The following TPM3 variants were observed in gnomAD, a reference collection of about 807,000 sequenced individuals.
The protein encoded by TPM3 is tropomyosin alpha-3 chain.
Under a neutral mutation model 43.1 loss-of-function variants are expected in TPM3, and 16 were observed. That is an observed-to-expected ratio of 0.37 (90% CI 0.25 to 0.56). The LOEUF is 0.56. TPM3 is among the 20% of genes least tolerant of loss of function. The pLI is 0.77. For synonymous variants in TPM3, 101 were observed against 116.9 expected (o/e 0.86, Z 0.88); for missense variants, 176 against 337.2 (o/e 0.52, Z 3.74).
intron 3 of TPM3, among the ~76,000 whole-genome samples, chr1:154,174,406 A>ATATATATATATATG (rs1662034700): frequency 8.2e-6 from 1 of 122,376 alleles, no homozygotes; most frequent in South Asian, 2.6e-4. Context: ...ATATATATAT[A>ATATATATATATATG]TACACACAAA....
At chr1:154,182,472 C>G (rs1291156070) in intron 2 of TPM3, among the ~76,000 whole-genome samples, 1 of 152,208 alleles carries the variant, frequency 6.6e-6, no homozygotes, top group Non-Finnish European at 1.5e-5. Context: ...GAGGAGGGAG[C>G]GGAAAAGCTG....
intron 2 of TPM3, among the ~76,000 whole-genome samples, chr1:154,181,568 T>C (rs536365932): frequency 1.1e-4 from 17 of 152,148 alleles, no homozygotes; most frequent in Non-Finnish European, 2.1e-4. Flanking sequence ...CCTTGGAAAA[T>C]CTTATGGCTT....
At chr1:154,182,991 T>C (rs1362613279) in intron 2 of TPM3, 1 of 1,610,844 alleles carries the variant, frequency 6.2e-7, no homozygotes, top group Non-Finnish European at 8.5e-7. Flanking sequence ...TCCGTACCTG[T>C]TCCCGGGCCC....
intron 2 of TPM3, chr1:154,178,117 C>A (rs1558054995): frequency 1.0e-6 from 1 of 985,346 alleles, no homozygotes; most frequent in African/African-American, 1.7e-5. Flanking sequence ...GACTTACCCC[C>A]CTCAGACGAA....
intron 2 of TPM3, among the ~76,000 whole-genome samples, chr1:154,188,294 G>A (rs1231241801): frequency 6.6e-6 from 1 of 151,572 alleles, no homozygotes; most frequent in East Asian, 1.9e-4. Context: ...GGCCTCAGGC[G>A]ATTCTCCTGC....
At chr1:154,170,268 G>T in intron 8 of TPM3, 132 bp downstream of exon 8, 1 of 963,160 alleles carries the variant, frequency 1.0e-6, no homozygotes, top group Non-Finnish European at 1.6e-6. Flanking sequence ...TGTGGCATAG[G>T]ACAGTGCACA....
rs537597985 is a variant in TPM3, at chr1:154,165,963, G to T, written c.*1974C>A. 6.6e-6 allele frequency among the ~76,000 whole-genome samples: 1 copy of T among 152,192 alleles called. No individual in the cohort carries two copies. The highest frequency in any genetic ancestry group is 6.5e-5 in the Admixed American group (1 of 15,274). On this transcript the variant is annotated 3_prime_UTR_variant, in exon 10 of 10. Coordinates refer to ENST00000651641, the MANE Select transcript of TPM3 (RefSeq NM_152263.4). ...TGGCATTCATCACACAGTATCTGTA[G>T]CTTTATGTATGTTTTCTCTCCTAGT...
At chr1:154,179,152 G>A (rs904768882) in intron 2 of TPM3, among the ~76,000 whole-genome samples, 1 of 152,222 alleles carries the variant, frequency 6.6e-6, no homozygotes, top group Admixed American at 6.5e-5. Context: ...TGAGCCCTGT[G>A]AGTAAAGGAC....
At chr1:154,175,081 C>G (rs2148252857) in intron 3 of TPM3, among the ~76,000 whole-genome samples, 1 of 152,158 alleles carries the variant, frequency 6.6e-6, no homozygotes, top group African/African-American at 2.4e-5. Flanking sequence ...CCTGTAATCC[C>G]AGCACACTGG....
rs762125019 is a variant in TPM3, at chr1:154,166,377, G to A, written c.*1560C>T. On this transcript the variant is annotated 3_prime_UTR_variant, in exon 10 of 10. Coordinates refer to ENST00000651641, the MANE Select transcript of TPM3 (RefSeq NM_152263.4). ...ACCTGGGCCAGTTCACCCCTTCTTA[G>A]GCAACCTTGTTGTTCTCCACTCCCA... The A allele has an allele frequency of 3.2e-6, 1 of 309,550 alleles. No homozygotes were observed. The highest frequency in any genetic ancestry group is 5.3e-6 in the Non-Finnish European group (1 of 190,090). The allele number at this position is 309,550 out of a possible 1,614,324, so 19.2% of individuals were successfully genotyped here.
At position 154,164,343 on chromosome 1, in the gene TPM3, TA is replaced by T. The variant is rs1352415940; in HGVS notation, c.*3593del. Among the ~76,000 whole-genome samples the T allele has an allele frequency of 1.3e-5, 2 of 152,078 alleles. No homozygotes were observed. The highest frequency in any genetic ancestry group is 6.6e-5 in the Admixed American group (1 of 15,260). ...TGTTTGGCTAAGTTTTTATATTTTGTAGAGACAGGTTCTCACTTTATTGCCA... is the reference window on the plus strand; with the variant it reads ...TGTTTGGCTAAGTTTTTATATTTTGTGAGACAGGTTCTCACTTTATTGCCA... On this transcript the variant is annotated 3_prime_UTR_variant, in exon 10 of 10. Transcript: ENST00000651641.
At chr1:154,183,852 C>CCTTTTTTTTTTTTTTTTTTTTTTT (rs1370162556) in intron 2 of TPM3, 1 of 99,312 alleles carries the variant, frequency 1.0e-5, no homozygotes. Context: ...GACTTTTCTC[C>CCTTTTTTTTTTTTTTTTTTTTTTT]TTTTTTTTTT....
Position 154,170,676 on chromosome 1 carries a change from G to A in TPM3, c.678C>T (p.Ile226=). 6.2e-7 allele frequency: 1 copy of A among 1,612,624 alleles called. No homozygotes were observed. Among genetic ancestry groups the A allele is most frequent in the South Asian group, 1.1e-5 (1 of 91,048 alleles). The change falls in exon 7 of 10, where the codon ATC becomes ATT. Residue 226 remains isoleucine (I), a synonymous_variant. Transcript: ENST00000651641. The part of the protein sequence containing the change: ...SQKEDKYEEE[I]KILTDKLKEA... Reference sequence around the variant, plus strand: ...CCTTGAGTTTATCAGTAAGAATCTTGATTTCTTCCTCATATTTATCTTCTT... The same window carrying A: ...CCTTGAGTTTATCAGTAAGAATCTTAATTTCTTCCTCATATTTATCTTCTT...
In TPM3 at chr1:154,172,196, C is replaced by T. The variant is rs780301494; in HGVS notation, c.567-708G>A. The T allele has an allele frequency of 7.6e-6, 10 of 1,320,134 alleles. No individual in the cohort carries two copies. The Admixed American group carries it at 8.5e-5, about 11-fold the overall frequency. 81.8% of individuals were successfully genotyped at this position (1,320,134 alleles called of 1,614,324 possible). A position where few individuals can be genotyped will look rare whatever the true frequency, so the allele number is the denominator to read the frequency against. On this transcript the variant is annotated intron_variant, in intron 5 of 9. Transcript: ENST00000651641. ...CACAGCAAGAAAACAAGCAGCAAAA[C>T]GAAAAAAAAAAATTCAAAAAATGGG...
chr1:154,190,940 T>A (rs1663653420), intron 2 of TPM3, among the ~76,000 whole-genome samples: 2 of 152,110 alleles, frequency 1.3e-5, no homozygotes, highest in Admixed American at 1.3e-4. Context: ...CCTGGGTTGG[T>A]GATAGGAGAT....
rs2148214516 is a variant in TPM3, at chr1:154,165,958, C to T, written c.*1979G>A. Among the ~76,000 whole-genome samples, 1 of 152,230 alleles carries T rather than the reference C, an allele frequency of 6.6e-6. No individual in the cohort carries two copies. The highest frequency in any genetic ancestry group is 1.5e-5 in the Non-Finnish European group (1 of 68,026). On this transcript the variant is annotated 3_prime_UTR_variant, in exon 10 of 10. Transcript: ENST00000651641. ...ATTTGTGGCATTCATCACACAGTAT[C>T]TGTAGCTTTATGTATGTTTTCTCTC...
intron 3 of TPM3, 66 bp from the exon 4 acceptor site, chr1:154,173,267 G>A (rs1661811173): frequency 2.9e-6 from 4 of 1,367,420 alleles, no homozygotes; most frequent in Non-Finnish European, 4.2e-6. Context: ...CCACTCCAAG[G>A]GTCTCAGAAC....
intron 3 of TPM3, 117 bp downstream of exon 3, chr1:154,175,998 G>A: frequency 6.5e-7 from 1 of 1,535,362 alleles, no homozygotes; most frequent in Non-Finnish European, 8.9e-7. Flanking sequence ...GGGATTACAG[G>A]CGTGAGCCAT....
intron 3 of TPM3, among the ~76,000 whole-genome samples, chr1:154,175,545 A>T (rs1008944060): frequency 6.6e-6 from 1 of 152,110 alleles, no homozygotes; most frequent in Non-Finnish European, 1.5e-5. Context: ...CCCACATCCA[A>T]AGTTTCTGAT....
Sources: allele counts gnomAD v4.1 joint callset (sites outside exome capture counted in the v4.1 genomes callset), GRCh38; gene constraint gnomAD v4.1.1; transcripts MANE v1.5; gene names NCBI Gene and HGNC (gene_info 2026-07-23, HGNC 2026-07-21).